Variants in EPX observed in about 807,000 individuals in gnomAD.
EPX encodes eosinophil peroxidase.
A neutral mutation model predicts 73.0 loss-of-function variants in EPX; 60 were observed. The ratio of observed to expected loss-of-function variants is 0.82; its 90% confidence interval spans 0.67 to 1.02. The LOEUF is 1.02. Ranked by LOEUF, EPX falls within the 50% of genes least tolerant of loss-of-function variation. EPX has a pLI of 0.00. For synonymous variants in EPX, 347 were observed against 389.2 expected (o/e 0.89, Z 1.28); for missense variants, 950 against 973.9 (o/e 0.98, Z 0.33).
chr17:58,203,255 G>A lies in EPX; in HGVS notation c.1883G>A (p.Arg628Gln), dbSNP rs985130173. The A allele has an allele frequency of 1.1e-5, 17 of 1,614,104 alleles. No individual in the cohort carries two copies. The highest frequency in any genetic ancestry group is 4.5e-5 in the East Asian group (2 of 44,886). The change falls in exon 11 of 13, where the codon CGA becomes CAA. Residue 628 changes from arginine to glutamine, a missense_variant. Arg to Gln is a conservative substitution (Grantham distance 43). Transcript: ENST00000225371. ...AIAEPLLPGA[R>Q]VGPLLACLFE... ...GCTGAGCCTCTTTTGCCGGGGGCTC[G>A]AGTGGGGCCTCTTCTGGCTTGTCTG...
rs1968411356 is a variant in EPX, at chr17:58,204,921, C to G, written c.*197C>G. The G allele has an allele frequency of 5.5e-6, 1 of 182,134 alleles. No homozygotes were observed. Among genetic ancestry groups the G allele is most frequent in the African/African-American group, 2.4e-5 (1 of 42,252 alleles). The allele number at this position is 182,134 out of a possible 1,614,324, so 11.3% of individuals were successfully genotyped here. A position where few individuals can be genotyped will look rare whatever the true frequency, so the allele number is the denominator to read the frequency against. On this transcript the variant is annotated 3_prime_UTR_variant, in exon 13 of 13. Coordinates refer to ENST00000225371, the MANE Select transcript of EPX (RefSeq NM_000502.6). Reference sequence around the variant, plus strand: ...CAATGGACCTTCCCGCCTTGGGAGCCTCTTAGGTATTAGGCTATGAATCAG... The same window carrying G: ...CAATGGACCTTCCCGCCTTGGGAGCGTCTTAGGTATTAGGCTATGAATCAG...
intron 10 of EPX, among the ~76,000 whole-genome samples, chr17:58,200,781 G>A (rs1186170017): frequency 5.3e-5 from 8 of 152,214 alleles, no homozygotes; most frequent in African/African-American, 1.4e-4. Flanking sequence ...CTACAGAAAC[G>A]CTCCTTGCTC....
intron 5 of EPX, among the ~76,000 whole-genome samples, chr17:58,194,754 G>C (rs1968229231): frequency 6.6e-6 from 1 of 152,174 alleles, no homozygotes; most frequent in Non-Finnish European, 1.5e-5. Context: ...TTTACCACCG[G>C]AATCCTCAGG....
At position 58,200,210 on chromosome 17, in the gene EPX, A is replaced by G; in HGVS notation, c.1538-15A>G. Reference sequence around the variant, plus strand: ...GGCTGGTCCAATCTGTGCTGCTCACATTCCCTGCCACCAGGGGGCATCGAC... The same window carrying G: ...GGCTGGTCCAATCTGTGCTGCTCACGTTCCCTGCCACCAGGGGGCATCGAC... On this transcript the variant is annotated splice_polypyrimidine_tract_variant and intron_variant, in intron 9 of 12. Transcript: ENST00000225371. 1.9e-6 allele frequency: 3 copies of G among 1,613,668 alleles called. No individual in the cohort carries two copies. The highest frequency in any genetic ancestry group is 2.5e-6 in the Non-Finnish European group (3 of 1,179,812).
At chr17:58,197,535 G>A (rs188945958) in intron 7 of EPX, among the ~76,000 whole-genome samples, 5 of 152,312 alleles carry the variant, frequency 3.3e-5, no homozygotes, top group African/African-American at 1.2e-4. Context: ...AGCTCCGACT[G>A]TTAGAAAGTC....
rs1044696275 is a variant in EPX at position 58,200,244 on chromosome 17, C to G, written c.1557C>G (p.Leu519=). 2 of 1,614,090 alleles carry G rather than the reference C, an allele frequency of 1.2e-6. No individual in the cohort carries two copies. The highest frequency in any genetic ancestry group is 2.7e-5 in the African/African-American group (2 of 74,954). The change falls in exon 10 of 13, where the codon CTC becomes CTG. Residue 519 remains leucine (L), a synonymous_variant. Transcript: ENST00000225371. ...IVYEGGIDPI[L]RGLMATPAKL... is the part of the protein sequence containing the mutation. ...CACCAGGGGGCATCGACCCCATCCT[C>G]CGGGGCCTCATGGCCACCCCTGCCA...
chr17:58,193,513 C>T lies in EPX; in HGVS notation c.313C>T (p.Gln105Ter). Residue 105 changes from glutamine to a stop codon, truncating the protein, a stop_gained, in exon 3 of 13, where the codon CAA (glutamine) becomes TAA (stop). Coordinates refer to ENST00000225371, the MANE Select transcript of EPX (RefSeq NM_000502.6). LOFTEE classifies it high-confidence loss of function. ...TTTGGGGCTGCTTGAAGAGAAGTTA[C>T]AACCCCAGCGGTCCGGACCCTTCAA... ...VALGLLEEKL[Q>*]PQRSGPFNVT... is the part of the protein sequence containing the mutation. The T allele has an allele frequency of 3.1e-6, 5 of 1,614,196 alleles. No individual in the cohort carries two copies. Among genetic ancestry groups the T allele is most frequent in the Non-Finnish European group, 4.2e-6 (5 of 1,180,010 alleles).
In EPX at chr17:58,199,195, G is replaced by A. The variant is rs1032546300; in HGVS notation, c.1276G>A (p.Val426Ile). The A allele has an allele frequency of 6.2e-7, 1 of 1,613,880 alleles. No homozygotes were observed. Among genetic ancestry groups the A allele is most frequent in the Non-Finnish European group, 8.5e-7 (1 of 1,179,832 alleles). ...NEARKIMGAM[V>I]QIITYRDFLP... Reference sequence around the variant, plus strand: ...GGCTCGGAAGATCATGGGGGCCATGGTCCAGGTAAGGAGCTCTGCATCCCA... The same window carrying A: ...GGCTCGGAAGATCATGGGGGCCATGATCCAGGTAAGGAGCTCTGCATCCCA... Residue 426 changes from valine (V) to isoleucine (I), a missense_variant, in exon 8 of 13, where the codon GTC becomes ATC. Coordinates refer to ENST00000225371, the MANE Select transcript of EPX (RefSeq NM_000502.6).
chr17:58,203,337 A>T lies in EPX; in HGVS notation c.1946+19A>T. ...GAGACAGGTAAGTGACCCTATCATA[A>T]AAGACATCAGCACCAGAGGCAGAGC... On this transcript the variant is annotated intron_variant, in intron 11 of 12. Transcript: ENST00000225371. 6.6e-7 allele frequency: 1 copy of T among 1,520,772 alleles called. No homozygotes were observed. 94.2% of individuals were successfully genotyped at this position (1,520,772 alleles called of 1,614,324 possible).
At chr17:58,200,922 C>T (rs540598784) in intron 10 of EPX, among the ~76,000 whole-genome samples, 1 of 152,162 alleles carries the variant, frequency 6.6e-6, no homozygotes, top group Non-Finnish European at 1.5e-5. Context: ...CTTTGTTAGT[C>T]ACTTTCATGT....
At chr17:58,198,904 C>A in intron 7 of EPX, 136 bp from the exon 8 acceptor site, 2 of 890,738 alleles carry the variant, frequency 2.2e-6, no homozygotes, top group East Asian at 2.4e-5. Flanking sequence ...CTCAGCACAG[C>A]TGAAGAGATG....
At position 58,197,120 on chromosome 17, in the gene EPX, G is replaced by C; in HGVS notation, c.983G>C (p.Arg328Pro). The C allele has an allele frequency of 1.9e-6, 3 of 1,614,162 alleles. No individual in the cohort carries two copies. Among genetic ancestry groups the C allele is most frequent in the Non-Finnish European group, 2.5e-6 (3 of 1,180,038 alleles). The change falls in exon 7 of 13, where the codon CGG becomes CCG. Residue 328 changes from arginine (R) to proline (P), a missense_variant. Arg to Pro is a moderately radical substitution (Grantham distance 103). Coordinates refer to ENST00000225371, the MANE Select transcript of EPX (RefSeq NM_000502.6). ...TCCCTCTCGCTGCGGCTCCGCAACC[G>C]GACCAACTACCTGGGGCTGCTGGCC... ...EVSLSLRLRNRTNYLGLLAIN... is the reference protein window; with the variant it reads ...EVSLSLRLRNPTNYLGLLAIN...
Position 58,192,786 on chromosome 17 carries a change from A to T in EPX, c.-61A>T, listed in dbSNP as rs1968191585. The T allele has an allele frequency of 7.0e-7, 1 of 1,419,178 alleles. No homozygotes were observed. Among genetic ancestry groups the T allele is most frequent in the African/African-American group, 1.4e-5 (1 of 70,622 alleles). The allele number at this position is 1,419,178 out of a possible 1,614,324, so 87.9% of individuals were successfully genotyped here. On this transcript the variant is annotated 5_prime_UTR_variant, in exon 1 of 13. Transcript: ENST00000225371. ...CCTCAAAGTGAGAGGGGAGCAGAGG[A>T]TCCTCCCGTGCAGGCTGTGGATGTC...
intron 5 of EPX, 109 bp downstream of exon 5, chr17:58,194,201 C>T: frequency 1.8e-6 from 2 of 1,120,210 alleles, no homozygotes; most frequent in Non-Finnish European, 1.3e-6. Context: ...CTTCCACTGA[C>T]CAGTGCAGTG....
At chr17:58,203,643 G>C (rs536895603) in intron 11 of EPX, among the ~76,000 whole-genome samples, 40 of 152,102 alleles carry the variant, frequency 2.6e-4, no homozygotes, top group African/African-American at 9.4e-4. Context: ...TGTGATTTAA[G>C]ACCTGACGGC....
In EPX at chr17:58,193,355, C is replaced by A; in HGVS notation, c.171-16C>A. On this transcript the variant is annotated splice_polypyrimidine_tract_variant and intron_variant, in intron 2 of 12. Coordinates refer to ENST00000225371, the MANE Select transcript of EPX (RefSeq NM_000502.6). ...TGCACCCTCTCTCCAGCCCTCACTCCTCCTCTCCTGGGCAGCATCAAGCAG... is the reference window on the plus strand; with the variant it reads ...TGCACCCTCTCTCCAGCCCTCACTCATCCTCTCCTGGGCAGCATCAAGCAG... The A allele has an allele frequency of 1.2e-6, 2 of 1,613,946 alleles. No homozygotes were observed. Among genetic ancestry groups the A allele is most frequent in the Non-Finnish European group, 1.7e-6 (2 of 1,179,878 alleles).
Position 58,204,515 on chromosome 17 carries a change from G to T in EPX, c.*11+81G>T, listed in dbSNP as rs1473690860. 4.8e-6 allele frequency: 4 copies of T among 835,236 alleles called. No homozygotes were observed. The African/African-American group carries it at 6.7e-5, about 14-fold the overall frequency. 51.7% of individuals were successfully genotyped at this position (835,236 alleles called of 1,614,324 possible). A position where few individuals can be genotyped will look rare whatever the true frequency, so the allele number is the denominator to read the frequency against. ...CTGGATGGATGGCTGAGTCCTCTTAGGTCTCTAAGCAGAGAAAACAGAACT... is the reference window on the plus strand; with the variant it reads ...CTGGATGGATGGCTGAGTCCTCTTATGTCTCTAAGCAGAGAAAACAGAACT... On this transcript the variant is annotated intron_variant, in intron 12 of 12. Coordinates refer to ENST00000225371, the MANE Select transcript of EPX (RefSeq NM_000502.6).
At chr17:58,203,434 C>T in intron 11 of EPX, 116 bp downstream of exon 11, 1 of 826,928 alleles carries the variant, frequency 1.2e-6, no homozygotes. Flanking sequence ...CTTCCAAGTT[C>T]ACAGGATCTG....
rs758063989 is a variant in EPX, at chr17:58,204,185, C to T, written c.1947-37C>T. 9.6e-5 allele frequency: 142 copies of T among 1,474,566 alleles called. 4 individuals carry two copies. In the South Asian group the frequency reaches 1.6e-3, roughly 16 times the overall value. The allele number at this position is 1,474,566 out of a possible 1,614,324, so 91.3% of individuals were successfully genotyped here. A position where few individuals can be genotyped will look rare whatever the true frequency, so the allele number is the denominator to read the frequency against. On this transcript the variant is annotated intron_variant, in intron 11 of 12. Coordinates refer to ENST00000225371, the MANE Select transcript of EPX (RefSeq NM_000502.6). The stretch of plus-strand genomic sequence containing the variant: ...AGGTGCTCATTATAAGGTAATTCCT[C>T]CCCAGCCTTCACCCACATCTCTCGA...
Sources: allele counts gnomAD v4.1 joint callset (sites outside exome capture counted in the v4.1 genomes callset), GRCh38; gene constraint gnomAD v4.1.1; transcripts MANE v1.5; gene names NCBI Gene and HGNC (gene_info 2026-07-23, HGNC 2026-07-21).